The following ST7 variants were observed in gnomAD, a reference collection of about 807,000 sequenced individuals.
ST7 encodes the protein suppression of tumorigenicity 7.
ST7 carries 28 observed loss-of-function variants against 78.7 expected under a neutral mutation model. The observed-to-expected ratio is 0.36, with a 90% CI of 0.26 to 0.49. The LOEUF is 0.49. Ranked by LOEUF, ST7 falls within the 20% of genes least tolerant of loss-of-function variation. ST7 has a pLI of 0.99. For synonymous variants in ST7, 247 were observed against 249.6 expected (o/e 0.99, Z 0.10); for missense variants, 418 against 696.0 (o/e 0.60, Z 4.49).
chr7:117,221,969 T>C lies in ST7; in HGVS notation c.1545T>C (p.Phe515=), dbSNP rs776889541. The change falls in exon 15 of 16, where the codon TTT becomes TTC. Residue 515 remains phenylalanine, a synonymous_variant. Coordinates refer to ENST00000323984, the MANE Select transcript of ST7 (RefSeq NM_001369598.1). ...ACCCAAAGAAGGAGCTTCCCTTCTT[T>C]ATTCTCTTTACTGCTGGATTATGTT... ...SVYPKKELPF[F]ILFTAGLCSF... is the part of the protein sequence containing the mutation. 3.7e-6 allele frequency: 6 copies of C among 1,612,824 alleles called. No homozygotes were observed. The highest frequency in any genetic ancestry group is 3.4e-6 in the Non-Finnish European group (4 of 1,179,532).
intron 1 of ST7, among the ~76,000 whole-genome samples, chr7:117,081,462 A>G (rs1799767842): frequency 1.3e-5 from 2 of 152,212 alleles, no homozygotes; most frequent in South Asian, 4.1e-4. Context: ...CATTTCCTTT[A>G]TTATTTTTAT....
At chr7:116,955,142 C>T (rs1204295949) in intron 1 of ST7, 3 of 470,852 alleles carry the variant, frequency 6.4e-6, no homozygotes, top group South Asian at 3.1e-5. Flanking sequence ...TTGTCTTCTT[C>T]GCTTTAGACA....
chr7:117,198,012 G>A (rs1302392867), intron 12 of ST7, among the ~76,000 whole-genome samples: 3 of 152,278 alleles, frequency 2.0e-5, no homozygotes, highest in East Asian at 3.9e-4. Context: ...TGATTGTGCT[G>A]CTGCACCACA....
intron 3 of ST7, among the ~76,000 whole-genome samples, chr7:117,127,934 C>T (rs1043205700): frequency 6.6e-6 from 1 of 151,784 alleles, no homozygotes; most frequent in African/African-American, 2.4e-5. Flanking sequence ...AAACAGTTTT[C>T]TTTGTGATTT....
intron 1 of ST7, among the ~76,000 whole-genome samples, chr7:116,981,954 A>ACT (rs1793979004): frequency 1.3e-5 from 2 of 152,158 alleles, no homozygotes; most frequent in African/African-American, 4.8e-5. Context: ...AGGTGATAGG[A>ACT]ATCTTTCAGT....
At position 117,083,450 on chromosome 7, in the gene ST7, G is replaced by A. The variant is rs566364231; in HGVS notation, c.152-16312G>A. Among the ~76,000 whole-genome samples the A allele has an allele frequency of 2.5e-3, 384 of 152,068 alleles. 1 individual carries two copies. Among genetic ancestry groups the A allele is most frequent in the African/African-American group, 8.5e-3 (351 of 41,468 alleles). On this transcript the variant is annotated intron_variant, in intron 1 of 15. Transcript: ENST00000323984. ...TTTTTGTATTTTTAGTAGGGATGGG[G>A]TTTCACCATGTTGGCCAGGCTGGTC...
At chr7:117,178,373 C>T (rs1808497196) in intron 10 of ST7, among the ~76,000 whole-genome samples, 2 of 152,260 alleles carry the variant, frequency 1.3e-5, no homozygotes, top group South Asian at 4.1e-4. Context: ...TGAATCAGTG[C>T]TCAGTGAGTC....
intron 9 of ST7, among the ~76,000 whole-genome samples, chr7:117,160,188 GC>G (rs1195327362): frequency 7.7e-5 from 11 of 142,796 alleles, no homozygotes; most frequent in African/African-American, 2.6e-4. Flanking sequence ...AGCCAAGATT[GC>G]CCCACTGCAC....
At chr7:117,011,743 C>T (rs1336182326) in intron 1 of ST7, among the ~76,000 whole-genome samples, 1 of 152,142 alleles carries the variant, frequency 6.6e-6, no homozygotes, top group African/African-American at 2.4e-5. Context: ...GAACAGGTGA[C>T]CCGAGAAGAA....
At chr7:117,199,253 TCAC>T (rs1376719349) in intron 12 of ST7, 1 of 152,056 alleles carries the variant, frequency 6.6e-6, no homozygotes, top group African/African-American at 2.4e-5. Flanking sequence ...CACTTGAAAA[TCAC>T]CAGATGCTTT....
At chr7:117,177,922 G>T (rs1269672272) in intron 10 of ST7, among the ~76,000 whole-genome samples, 2 of 152,150 alleles carry the variant, frequency 1.3e-5, no homozygotes, top group East Asian at 1.9e-4. Context: ...CACATAATGG[G>T]ACAGTAAGAA....
At chr7:117,085,551 T>TG (rs1317367780) in intron 1 of ST7, among the ~76,000 whole-genome samples, 1 of 152,250 alleles carries the variant, frequency 6.6e-6, no homozygotes, top group African/African-American at 2.4e-5. Context: ...CCTAGAGCAC[T>TG]GTGAAACTCC....
intron 4 of ST7, 63 bp from the exon 5 acceptor site, chr7:117,130,428 A>T: frequency 8.1e-7 from 1 of 1,231,482 alleles, no homozygotes; most frequent in Non-Finnish European, 1.2e-6. Context: ...CTGCAGCTTA[A>T]TATTTTATAG....
At chr7:117,091,297 A>G (rs1165290263) in intron 1 of ST7, among the ~76,000 whole-genome samples, 4 of 152,212 alleles carry the variant, frequency 2.6e-5, no homozygotes, top group African/African-American at 9.7e-5. Context: ...ACAAATGAGG[A>G]AAAGAAGTGC....
At chr7:116,977,330 G>A (rs1793750489) in intron 1 of ST7, among the ~76,000 whole-genome samples, 1 of 152,148 alleles carries the variant, frequency 6.6e-6, no homozygotes, top group African/African-American at 2.4e-5. Flanking sequence ...GATGTTGTGG[G>A]TTTCAATAAA....
At chr7:117,119,399 T>C (rs373990889) in intron 2 of ST7, among the ~76,000 whole-genome samples, 162 bp from the exon 3 acceptor site, 4 of 152,236 alleles carry the variant, frequency 2.6e-5, no homozygotes, top group Admixed American at 2.6e-4. Context: ...GAATTTTAAA[T>C]GTTATTATTA....
Position 117,051,101 on chromosome 7 carries a change from A to G in ST7, c.152-48661A>G, listed in dbSNP as rs978932643. 3.3e-5 allele frequency among the ~76,000 whole-genome samples: 5 copies of G among 152,334 alleles called. No individual in the cohort carries two copies. In the South Asian group the frequency reaches 8.3e-4, roughly 25 times the overall value. On this transcript the variant is annotated intron_variant, in intron 1 of 15. Transcript: ENST00000323984. ...TCCAGGGTCAACTGTACTTGTAGAA[A>G]TACCACAAATTACAAATGAAACAAA...
At chr7:116,981,698 C>G (rs1473800854) in intron 1 of ST7, among the ~76,000 whole-genome samples, 1 of 152,210 alleles carries the variant, frequency 6.6e-6, no homozygotes, top group African/African-American at 2.4e-5. Flanking sequence ...TCCCTCCTTT[C>G]TGGAATACCT....
At position 117,198,090 on chromosome 7, in the gene ST7, C is replaced by T. The variant is rs548791180; in HGVS notation, c.1254+7154C>T. Among the ~76,000 whole-genome samples, 3 of 152,294 alleles carry T rather than the reference C, an allele frequency of 2.0e-5. No homozygotes were observed. In the South Asian group the frequency reaches 6.2e-4, roughly 32 times the overall value. On this transcript the variant is annotated intron_variant, in intron 12 of 15. Coordinates refer to ENST00000323984, the MANE Select transcript of ST7 (RefSeq NM_001369598.1). ...AGCTCAAAAGTGTTCAGAACAATGA[C>T]TCCCGTTACTTCCTGTCCACAGGAC...
Sources: allele counts gnomAD v4.1 joint callset (sites outside exome capture counted in the v4.1 genomes callset), GRCh38; gene constraint gnomAD v4.1.1; transcripts MANE v1.5; gene names NCBI Gene and HGNC (gene_info 2026-07-23, HGNC 2026-07-21).